PAPOLA: variants seen among roughly 807,000 people sequenced by gnomAD.
PAPOLA encodes poly(A) polymerase alpha, also known as polynucleotide adenylyltransferase alpha.
In PAPOLA, 15 loss-of-function variants were observed where a neutral mutation model predicts 100.6. That is an observed-to-expected ratio of 0.15 (90% CI 0.10 to 0.23). The LOEUF (loss-of-function observed/expected upper bound fraction) is 0.23. PAPOLA is among the 10% of genes least tolerant of loss of function. The probability of loss-of-function intolerance (pLI) is 1.00; values close to 1 mark genes in which losing one functional copy is unlikely to be tolerated. For synonymous variants in PAPOLA, 293 were observed against 300.0 expected (o/e 0.98, Z 0.24); for missense variants, 533 against 884.2 (o/e 0.60, Z 5.04).
At chr14:96,540,142 G>A (rs996203553) in intron 12 of PAPOLA, among the ~76,000 whole-genome samples, 4 of 152,136 alleles carry the variant, frequency 2.6e-5, no homozygotes, top group Non-Finnish European at 5.9e-5. Flanking sequence ...CAGCAAAACC[G>A]TGTCCAAATG....
At chr14:96,539,494 T>C (rs1566854929) in intron 12 of PAPOLA, among the ~76,000 whole-genome samples, 1 of 152,256 alleles carries the variant, frequency 6.6e-6, no homozygotes, top group East Asian at 1.9e-4. Flanking sequence ...TTAAGTGTTT[T>C]TAGGGCACTT....
intron 21 of PAPOLA, among the ~76,000 whole-genome samples, chr14:96,564,587 T>A (rs1218031141): frequency 6.6e-6 from 1 of 152,078 alleles, no homozygotes; most frequent in Non-Finnish European, 1.5e-5. Flanking sequence ...TTGGGGGTGC[T>A]CCAATACTAG....
intron 10 of PAPOLA, chr14:96,534,916 GTAT>G: frequency 9.9e-7 from 1 of 1,008,860 alleles, no homozygotes; most frequent in South Asian, 4.5e-5. Flanking sequence ...TTTTATCTAA[GTAT>G]TATGCTAAAG....
rs533277459 is a variant in PAPOLA, at chr14:96,527,228, A to T, written c.332-202A>T. The T allele has an allele frequency of 1.7e-5, 9 of 533,786 alleles. No homozygotes were observed. In the African/African-American group the frequency reaches 1.8e-4, roughly 10 times the overall value. The allele number at this position is 533,786 out of a possible 1,614,324, so 33.1% of individuals were successfully genotyped here. A position where few individuals can be genotyped will look rare whatever the true frequency, so the allele number is the denominator to read the frequency against. On this transcript the variant is annotated intron_variant, in intron 4 of 21. Transcript: ENST00000216277. ...TTACTTGGGCCACTATAAATAGAGG[A>T]TGCTGCAGGATCAAAATATACCACA...
Position 96,532,025 on chromosome 14 carries a change from C to T in PAPOLA, c.608-306C>T, listed in dbSNP as rs540444903. ...GGAAACTTTAGTGGATTAAGTCTTC[C>T]GCAGTATATGTGGGAAGTTTTAATT... On this transcript the variant is annotated intron_variant, in intron 7 of 21. Coordinates refer to ENST00000216277, the MANE Select transcript of PAPOLA (RefSeq NM_032632.5). 106 of 1,247,384 alleles carry T rather than the reference C, an allele frequency of 8.5e-5. No individual in the cohort carries two copies. In the East Asian group the frequency reaches 1.2e-3, roughly 14 times the overall value. 77.3% of individuals were successfully genotyped at this position (1,247,384 alleles called of 1,614,324 possible).
In PAPOLA at chr14:96,560,641, A is replaced by T. The variant is rs770647720; in HGVS notation, c.2005-8A>T. 7.0e-6 allele frequency: 11 copies of T among 1,576,412 alleles called. No homozygotes were observed. Among genetic ancestry groups the T allele is most frequent in the Admixed American group, 3.6e-5 (2 of 55,836 alleles). ...TTTAGAGAATAAAGCTTTTTTTTTTAAAAACAGGATGAAACAAGTGAAGAT... is the reference window on the plus strand; with the variant it reads ...TTTAGAGAATAAAGCTTTTTTTTTTTAAAACAGGATGAAACAAGTGAAGAT... On this transcript the variant is annotated splice_region_variant and splice_polypyrimidine_tract_variant and intron_variant, in intron 19 of 21. Transcript: ENST00000216277.
chr14:96,514,604 G>C (rs187479227), intron 1 of PAPOLA, among the ~76,000 whole-genome samples: 1 of 152,174 alleles, frequency 6.6e-6, no homozygotes, highest in African/African-American at 2.4e-5. Flanking sequence ...ATAGCCAACA[G>C]TCAACAAAAA....
At chr14:96,547,248 G>A (rs1034408421) in intron 15 of PAPOLA, among the ~76,000 whole-genome samples, 1 of 152,008 alleles carries the variant, frequency 6.6e-6, no homozygotes, top group East Asian at 1.9e-4. Flanking sequence ...GGGGCCCTCT[G>A]GATCTAAATA....
At chr14:96,531,701 T>G (rs753846217) in intron 7 of PAPOLA, 115 bp downstream of exon 7, 11 of 1,518,600 alleles carry the variant, frequency 7.2e-6, no homozygotes, top group Non-Finnish European at 7.0e-6. Context: ...CAGTAGTGAG[T>G]TAAATAAAAT....
intron 1 of PAPOLA, among the ~76,000 whole-genome samples, chr14:96,507,303 T>G (rs1450648784): frequency 7.2e-6 from 1 of 138,548 alleles, no homozygotes; most frequent in Non-Finnish European, 1.5e-5. Flanking sequence ...TTTTTTTTTT[T>G]TTGAGACGGA....
intron 1 of PAPOLA, among the ~76,000 whole-genome samples, chr14:96,506,531 T>C (rs905279540): frequency 2.0e-5 from 3 of 152,218 alleles, no homozygotes; most frequent in Non-Finnish European, 4.4e-5. Flanking sequence ...AACAACTGAC[T>C]ATTCCTGGCC....
At chr14:96,538,024 CTCT>C (rs1899680623) in intron 12 of PAPOLA, 1 of 151,976 alleles carries the variant, frequency 6.6e-6, no homozygotes, top group Non-Finnish European at 1.5e-5. Flanking sequence ...TCATTAAATA[CTCT>C]TATTTTACTA....
At chr14:96,504,940 G>A (rs1042386669) in intron 1 of PAPOLA, among the ~76,000 whole-genome samples, 1 of 152,082 alleles carries the variant, frequency 6.6e-6, no homozygotes, top group African/African-American at 2.4e-5. Context: ...ATTGGGGCAT[G>A]GACCCTAGGT....
At position 96,532,503 on chromosome 14, in the gene PAPOLA, A is replaced by G. The variant is rs781194902; in HGVS notation, c.698-8A>G. ...TAACTTATCTTTTTGCTTTTCCCTTATCAACAGGCCACAACATCTATTCCA... is the reference window on the plus strand; with the variant it reads ...TAACTTATCTTTTTGCTTTTCCCTTGTCAACAGGCCACAACATCTATTCCA... On this transcript the variant is annotated splice_polypyrimidine_tract_variant and splice_region_variant and intron_variant, in intron 8 of 21. Coordinates refer to ENST00000216277, the MANE Select transcript of PAPOLA (RefSeq NM_032632.5). The G allele has an allele frequency of 2.2e-5, 36 of 1,606,134 alleles. No individual in the cohort carries two copies. Among genetic ancestry groups the G allele is most frequent in the Non-Finnish European group, 3.1e-5 (36 of 1,177,728 alleles).
Position 96,518,689 on chromosome 14 carries a change from G to A in PAPOLA, c.9-1366G>A, listed in dbSNP as rs533829268. ...TGGGATTACAAGCGTGAGCCACCGC[G>A]CCTGGCCTTTATTGCATATGTAGAT... On this transcript the variant is annotated intron_variant, in intron 1 of 21. Transcript: ENST00000216277. Among the ~76,000 whole-genome samples, 12 of 151,602 alleles carry A rather than the reference G, an allele frequency of 7.9e-5. No individual in the cohort carries two copies. In the East Asian group the frequency reaches 2.0e-3, roughly 25 times the overall value.
At chr14:96,514,738 G>C (rs1490808938) in intron 1 of PAPOLA, among the ~76,000 whole-genome samples, 2 of 152,214 alleles carry the variant, frequency 1.3e-5, no homozygotes, top group Non-Finnish European at 2.9e-5. Flanking sequence ...TTTGGAAACT[G>C]CTCTTTAGTG....
intron 3 of PAPOLA, among the ~76,000 whole-genome samples, chr14:96,523,814 G>A (rs955912278): frequency 2.6e-5 from 4 of 152,022 alleles, no homozygotes; most frequent in African/African-American, 7.3e-5. Flanking sequence ...GTGGTAGTGC[G>A]CGCCTGTAAT....
chr14:96,540,996 TC>T (rs1899936953), intron 12 of PAPOLA, among the ~76,000 whole-genome samples: 1 of 152,198 alleles, frequency 6.6e-6, no homozygotes, highest in African/African-American at 2.4e-5. Flanking sequence ...TTCATGCCAT[TC>T]TCCTGCCTCA....
At chr14:96,544,965 G>A (rs1443108141) in intron 15 of PAPOLA, among the ~76,000 whole-genome samples, 1 of 152,072 alleles carries the variant, frequency 6.6e-6, no homozygotes, top group African/African-American at 2.4e-5. Context: ...GGTGGATGTA[G>A]TTGAGAGAAT....
Sources: gnomAD v4.1 joint callset for allele counts (sites outside exome capture counted in the v4.1 genomes callset) on GRCh38, gnomAD v4.1.1 for gene constraint, MANE v1.5 for transcripts, NCBI Gene and HGNC (gene_info 2026-07-23, HGNC 2026-07-21) for gene names.